The following PPM1L variants were observed in gnomAD, a reference collection of about 807,000 sequenced individuals.
PPM1L encodes protein phosphatase 1L.
A neutral mutation model predicts 31.4 loss-of-function variants in PPM1L; 13 were observed. The observed-to-expected ratio is 0.41, with a 90% CI of 0.27 to 0.66. The LOEUF is 0.66. PPM1L is among the 30% of genes least tolerant of loss of function. The pLI is 0.29. For missense variants in PPM1L, 326 were observed against 453.7 expected, an observed-to-expected ratio of 0.72 and a Z score of 2.56; for synonymous variants, 184 against 175.4, an observed-to-expected ratio of 1.05 and a Z score of -0.39.
chr3:160,789,813 C>T (rs949374529), intron 1 of PPM1L, among the ~76,000 whole-genome samples: 1 of 151,994 alleles, frequency 6.6e-6, no homozygotes, highest in Non-Finnish European at 1.5e-5. Context: ...CTCACATGAT[C>T]ATGTGTGTAT....
chr3:161,028,280 AT>A (rs1316826320), intron 2 of PPM1L, among the ~76,000 whole-genome samples: 1 of 152,014 alleles, frequency 6.6e-6, no homozygotes, highest in Non-Finnish European at 1.5e-5. Context: ...ATTCTAAGAA[AT>A]TTTTTTTAAC....
intron 1 of PPM1L, among the ~76,000 whole-genome samples, chr3:160,893,756 A>G (rs187728417): frequency 5.3e-5 from 8 of 152,280 alleles, no homozygotes; most frequent in African/African-American, 1.9e-4. Context: ...CCAGAGTAAA[A>G]TGGGCCTTGG....
chr3:160,885,579 G>A (rs1712886632), intron 1 of PPM1L, among the ~76,000 whole-genome samples: 1 of 152,230 alleles, frequency 6.6e-6, no homozygotes, highest in African/African-American at 2.4e-5. Flanking sequence ...CGAAGAGGAG[G>A]GAACACAGTG....
At chr3:160,835,755 G>A (rs997982689) in intron 1 of PPM1L, among the ~76,000 whole-genome samples, 4 of 152,116 alleles carry the variant, frequency 2.6e-5, no homozygotes, top group African/African-American at 9.7e-5. Flanking sequence ...AACTAGCTTA[G>A]CAGCATATTA....
intron 2 of PPM1L, among the ~76,000 whole-genome samples, chr3:161,012,933 G>A (rs185111395): frequency 6.0e-4 from 91 of 151,834 alleles, no homozygotes; most frequent in South Asian, 1.7e-3. Context: ...TCTTGCTAGC[G>A]GTCTATCAAT....
chr3:161,006,678 T>C (rs921308008), intron 2 of PPM1L, among the ~76,000 whole-genome samples: 8 of 146,564 alleles, frequency 5.5e-5, no homozygotes, highest in African/African-American at 1.8e-4. Context: ...CCACCGTCTT[T>C]CCTTTTTTTT....
intron 1 of PPM1L, among the ~76,000 whole-genome samples, chr3:160,961,296 CATT>C (rs929900083): frequency 6.6e-6 from 1 of 152,114 alleles, no homozygotes; most frequent in African/African-American, 2.4e-5. Context: ...CTTATGTAAA[CATT>C]AATGAGTAGA....
intron 1 of PPM1L, among the ~76,000 whole-genome samples, chr3:160,773,691 C>T (rs554423090): frequency 2.6e-5 from 4 of 152,206 alleles, no homozygotes; most frequent in South Asian, 4.1e-4. Flanking sequence ...TGCTTTCTTC[C>T]TACTTACCTC....
At chr3:160,800,653 G>A (rs1712397069) in intron 1 of PPM1L, among the ~76,000 whole-genome samples, 2 of 152,006 alleles carry the variant, frequency 1.3e-5, no homozygotes, top group Admixed American at 6.6e-5. Flanking sequence ...CAATTCCAAT[G>A]ATAATTACAC....
At chr3:160,879,999 A>T (rs570284402) in intron 1 of PPM1L, among the ~76,000 whole-genome samples, 30 of 152,216 alleles carry the variant, frequency 2.0e-4, no homozygotes, top group African/African-American at 6.0e-4. Context: ...CCCTCATTTT[A>T]TGACAACAGC....
chr3:160,780,769 A>G (rs918871793), intron 1 of PPM1L, among the ~76,000 whole-genome samples: 7 of 152,200 alleles, frequency 4.6e-5, no homozygotes, highest in African/African-American at 1.2e-4. Flanking sequence ...GGGGCCAACC[A>G]TCAGGTTGTA....
At chr3:160,942,935 C>A (rs1038008367) in intron 1 of PPM1L, among the ~76,000 whole-genome samples, 1 of 151,932 alleles carries the variant, frequency 6.6e-6, no homozygotes, top group Admixed American at 6.6e-5. Context: ...TGCTTACACT[C>A]TACCTATCTG....
intron 1 of PPM1L, among the ~76,000 whole-genome samples, chr3:160,831,365 G>T (rs76289982): frequency 0.026 from 4,010 of 152,200 alleles, 195 homozygotes; most frequent in African/African-American, 0.092. Context: ...TAGAGGCTTT[G>T]TTCATATATA....
chr3:160,896,481 A>G (rs1489197615), intron 1 of PPM1L, among the ~76,000 whole-genome samples: 1 of 152,154 alleles, frequency 6.6e-6, no homozygotes, highest in East Asian at 1.9e-4. Context: ...TTATTTTTAA[A>G]AGGAAGTTTA....
chr3:160,910,097 A>T (rs1458375208), intron 1 of PPM1L, among the ~76,000 whole-genome samples: 1 of 152,206 alleles, frequency 6.6e-6, no homozygotes, highest in Non-Finnish European at 1.5e-5. Flanking sequence ...TAAGCATGTC[A>T]GAAGAACAAT....
rs1001504717 is a variant in PPM1L, at chr3:160,898,028, G to A, written c.400-63708G>A. On this transcript the variant is annotated intron_variant, in intron 1 of 3. Transcript: ENST00000498165. ...ATTACTAGTATTTGAGAAACTAAAT[G>A]AAAGATTTTTAACTTTGACTTTTAA... 7.2e-5 allele frequency among the ~76,000 whole-genome samples: 11 copies of A among 152,072 alleles called. No homozygotes were observed. In the East Asian group the frequency reaches 2.1e-3, roughly 29 times the overall value.
chr3:161,035,210 TAAAAA>T (rs63163360), intron 2 of PPM1L, among the ~76,000 whole-genome samples: 1 of 139,982 alleles, frequency 7.1e-6, no homozygotes, highest in Admixed American at 7.1e-5. Flanking sequence ...AAAGTATAAT[TAAAAA>T]AAAAAAAAAA....
chr3:160,894,515 T>C (rs1285387963), intron 1 of PPM1L, among the ~76,000 whole-genome samples: 1 of 152,212 alleles, frequency 6.6e-6, no homozygotes, highest in Non-Finnish European at 1.5e-5. Flanking sequence ...ATTCAAATAA[T>C]TTTTAGGAAA....
chr3:160,934,678 T>C (rs1157518137), intron 1 of PPM1L, among the ~76,000 whole-genome samples: 1 of 152,082 alleles, frequency 6.6e-6, no homozygotes, highest in South Asian at 2.1e-4. Flanking sequence ...ATTGGCCGGG[T>C]GCAGTGGCTC....
Sources: allele counts gnomAD v4.1 joint callset (sites outside exome capture counted in the v4.1 genomes callset), GRCh38; gene constraint gnomAD v4.1.1; transcripts MANE v1.5; gene names NCBI Gene and HGNC (gene_info 2026-07-23, HGNC 2026-07-21).